DGLUCY: variants seen among roughly 807,000 people sequenced by gnomAD.
DGLUCY encodes the protein D-glutamate cyclase, mitochondrial.
DGLUCY carries 58 observed loss-of-function variants against 58.5 expected under a neutral mutation model. The ratio of observed to expected loss-of-function variants is 0.99; its 90% CI spans 0.80 to 1.23. The LOEUF is 1.23. Among genes scored for constraint, DGLUCY ranks in the 50% most tolerant of loss-of-function variants. The pLI is 0.00. For missense variants in DGLUCY, 779 were observed against 784.7 expected, an observed-to-expected ratio of 0.99 and a Z score of 0.09; for synonymous variants, 325 against 314.1, an observed-to-expected ratio of 1.03 and a Z score of -0.37.
chr14:91,082,243 G>A (rs1430607064), intron 1 of DGLUCY, among the ~76,000 whole-genome samples: 1 of 152,084 alleles, frequency 6.6e-6, no homozygotes, highest in Non-Finnish European at 1.5e-5. Flanking sequence ...TTATTTGGGA[G>A]GAATTCCAAG....
chr14:91,178,973 G>A (rs1299140955), intron 7 of DGLUCY, among the ~76,000 whole-genome samples: 1 of 152,046 alleles, frequency 6.6e-6, no homozygotes, highest in Admixed American at 6.5e-5. Context: ...GCAGCGAGCT[G>A]AGATCTCACC....
At chr14:91,133,254 C>T (rs1352670097) in intron 1 of DGLUCY, among the ~76,000 whole-genome samples, 1 of 152,090 alleles carries the variant, frequency 6.6e-6, no homozygotes, top group Non-Finnish European at 1.5e-5. Flanking sequence ...GAGATCTTGC[C>T]ACTGCACTCC....
At position 91,093,118 on chromosome 14, in the gene DGLUCY, A is replaced by C. The variant is rs183109993; in HGVS notation, c.-82+32414A>C. Among the ~76,000 whole-genome samples the C allele has an allele frequency of 4.3e-3, 651 of 152,132 alleles. 8 individuals are homozygous for C. Among genetic ancestry groups the C allele is most frequent in the African/African-American group, 0.015 (617 of 41,472 alleles). On this transcript the variant is annotated intron_variant, in intron 1 of 4. Coordinates refer to the DGLUCY transcript ENST00000521334. Reference sequence around the variant, plus strand: ...AAAAAAAAGATAATTTGTGAAACAAATGAATAGATACAACAGAAAACAAGA... The same window carrying C: ...AAAAAAAAGATAATTTGTGAAACAACTGAATAGATACAACAGAAAACAAGA...
intron 8 of DGLUCY, among the ~76,000 whole-genome samples, chr14:91,185,727 G>A (rs1200922349): frequency 6.6e-6 from 1 of 151,828 alleles, no homozygotes; most frequent in Admixed American, 6.6e-5. Context: ...AAGTAATTGG[G>A]AAGTAAATTT....
At chr14:91,060,625 G>A in exon 1 of DGLUCY, 1 of 743,060 alleles carries the variant, frequency 1.3e-6, no homozygotes, top group Non-Finnish European at 1.8e-6. Context: ...CCCTTCGGCG[G>A]GCACCGCTAG....
chr14:91,202,089 A>G (rs2050611185), intron 11 of DGLUCY, among the ~76,000 whole-genome samples: 1 of 150,912 alleles, frequency 6.6e-6, no homozygotes, highest in Admixed American at 6.6e-5. Context: ...TAATAATGTG[A>G]TAATTTGTGT....
intron 1 of DGLUCY, among the ~76,000 whole-genome samples, chr14:91,138,353 T>C (rs1461792217): frequency 6.6e-6 from 1 of 152,040 alleles, no homozygotes; most frequent in East Asian, 1.9e-4. Flanking sequence ...TAGCCGGGTG[T>C]GGTGGCTCAT....
chr14:91,160,159 C>T (rs1301155215), intron 2 of DGLUCY, 107 bp from the exon 3 acceptor site: 2 of 745,416 alleles, frequency 2.7e-6, no homozygotes, highest in Non-Finnish European at 4.7e-6. Flanking sequence ...GGAACAGGGC[C>T]AGGAAAGGGT....
chr14:91,169,318 G>T (rs2048441464), intron 4 of DGLUCY, among the ~76,000 whole-genome samples: 1 of 152,054 alleles, frequency 6.6e-6, no homozygotes, highest in Admixed American at 6.6e-5. Flanking sequence ...GGCACTGAGA[G>T]GTTCCCCAAG....
At chr14:91,060,460 G>T (rs1364911219) in exon 1 of DGLUCY, 1 of 1,417,404 alleles carries the variant, frequency 7.1e-7, no homozygotes, top group South Asian at 1.6e-5. Flanking sequence ...CGATCCCGCG[G>T]GTCGCTACGA....
chr14:91,191,411 T>C lies in DGLUCY; in HGVS notation c.1195+2241T>C, dbSNP rs571722957. Among the ~76,000 whole-genome samples the C allele has an allele frequency of 2.6e-4, 39 of 152,276 alleles. 1 individual carries two copies. Among genetic ancestry groups the C allele is most frequent in the African/African-American group, 9.4e-4 (39 of 41,554 alleles). ...CACAACAATGTGAAATATTTTATGC[T>C]ACTGAACGATACACTTGAAAATGGC... On this transcript the variant is annotated intron_variant, in intron 9 of 13. Transcript: ENST00000256324.
Position 91,068,079 on chromosome 14 carries a change from G to GCGCACACACACACACA in DGLUCY, c.-82+7376_-82+7377insGCACACACACACACAC, listed in dbSNP as rs375738080. 1.3e-3 allele frequency among the ~76,000 whole-genome samples: 189 copies of GCGCACACACACACACA among 146,436 alleles called. 1 individual carries two copies. The highest frequency in any genetic ancestry group is 3.5e-3 in the Middle Eastern group (1 of 286). On this transcript the variant is annotated intron_variant, in intron 1 of 4. Coordinates refer to the DGLUCY transcript ENST00000521334. Reference sequence around the variant, plus strand: ...CGCGTGCACACACACACACGCGCACGCACACACACACACACACACACACAC... The same window carrying GCGCACACACACACACA: ...CGCGTGCACACACACACACGCGCACGCGCACACACACACACACACACACACACACACACACACACAC...
rs554202196 is a variant in DGLUCY, at chr14:91,137,846, T to TGGGAGAGAGGGGAGC, written c.-81-19792_-81-19778dup. 1.1e-3 allele frequency among the ~76,000 whole-genome samples: 169 copies of TGGGAGAGAGGGGAGC among 152,220 alleles called. 5 individuals carry two copies. In the South Asian group the frequency reaches 0.035, roughly 31 times the overall value. ...GAATTCTAGTTTCTATGGCCTGCCT[T>TGGGAGAGAGGGGAGC]GGGAGAGAGGGGAGCAGGAGAGATG... On this transcript the variant is annotated intron_variant, in intron 1 of 13. Coordinates refer to ENST00000256324, the MANE Select transcript of DGLUCY (RefSeq NM_001102368.3).
intron 1 of DGLUCY, among the ~76,000 whole-genome samples, chr14:91,087,027 G>T (rs1487144432): frequency 6.6e-6 from 1 of 152,178 alleles, no homozygotes; most frequent in Non-Finnish European, 1.5e-5. Context: ...CCAAATCAGG[G>T]CTGCACATGC....
At chr14:91,195,665 G>GTT (rs1300777648) in intron 9 of DGLUCY, among the ~76,000 whole-genome samples, 114 of 134,862 alleles carry the variant, frequency 8.5e-4, no homozygotes, top group African/African-American at 2.0e-3. Context: ...GGTTTTTTGG[G>GTT]TTTTGTTTTT....
At chr14:91,077,265 AAGAG>A (rs148848700) in intron 1 of DGLUCY, among the ~76,000 whole-genome samples, 23 of 147,380 alleles carry the variant, frequency 1.6e-4, no homozygotes, top group African/African-American at 2.7e-4. Context: ...GAGAGAGAGA[AAGAG>A]AGAGAGAGAG....
intron 12 of DGLUCY, among the ~76,000 whole-genome samples, chr14:91,208,829 G>A (rs1197212498): frequency 2.0e-5 from 3 of 152,188 alleles, no homozygotes; most frequent in Admixed American, 1.3e-4. Flanking sequence ...TTTGTTATAA[G>A]TTGCTTGTGC....
intron 10 of DGLUCY, among the ~76,000 whole-genome samples, chr14:91,196,782 A>G (rs2140555564): frequency 6.6e-6 from 1 of 151,230 alleles, no homozygotes; most frequent in African/African-American, 2.4e-5. Flanking sequence ...TCTCAGTCTC[A>G]AACTGTGGGT....
intron 5 of DGLUCY, among the ~76,000 whole-genome samples, chr14:91,172,131 C>G (rs1208674387): frequency 6.6e-6 from 1 of 152,062 alleles, no homozygotes; most frequent in African/African-American, 2.4e-5. Flanking sequence ...GGTGCAGTGG[C>G]ACAGTCACAG....
Sources: gnomAD v4.1 joint callset for allele counts (sites outside exome capture counted in the v4.1 genomes callset) on GRCh38, gnomAD v4.1.1 for gene constraint, MANE v1.5 for transcripts, NCBI Gene and HGNC (gene_info 2026-07-23, HGNC 2026-07-21) for gene names.